Variants in TEX14 observed in about 807,000 individuals in gnomAD.
TEX14 encodes testis expressed 14, intercellular bridge forming factor, also known as inactive serine/threonine-protein kinase TEX14.
In TEX14, 168 loss-of-function variants were observed where a neutral mutation model predicts 178.6. The ratio of observed to expected loss-of-function variants is 0.94; its 90% CI spans 0.83 to 1.07. The LOEUF is 1.07. Ranked by LOEUF, TEX14 falls within the 50% of genes least tolerant of loss-of-function variation. The pLI is 0.00. For missense variants in TEX14, 1,730 were observed against 1,753.6 expected (o/e 0.99, Z 0.24); for synonymous variants, 626 against 634.1 (o/e 0.99, Z 0.19).
At chr17:58,615,441 C>T (rs1440032709) in intron 7 of TEX14, 96 bp from the exon 8 acceptor site, 9 of 781,164 alleles carry the variant, frequency 1.2e-5, no homozygotes, top group South Asian at 2.9e-5. Flanking sequence ...GAGAAATGGT[C>T]TCCACACAGA....
At chr17:58,587,843 A>ACCCCCCCCCCCC in intron 16 of TEX14, 53 bp downstream of exon 16, 1 of 1,118,838 alleles carries the variant, frequency 8.9e-7, no homozygotes, top group Non-Finnish European at 1.4e-6. Context: ...GGGTGCCAGA[A>ACCCCCCCCCCCC]CCCACCCCCA....
At chr17:58,592,243 T>C (rs1296866303) in intron 15 of TEX14, among the ~76,000 whole-genome samples, 2 of 151,902 alleles carry the variant, frequency 1.3e-5, no homozygotes, top group Non-Finnish European at 2.9e-5. Context: ...TTAATTTTTT[T>C]TTTTGAGTCA....
At chr17:58,673,170 C>T (rs1046203222) in intron 1 of TEX14, among the ~76,000 whole-genome samples, 1 of 151,864 alleles carries the variant, frequency 6.6e-6, no homozygotes, top group Non-Finnish European at 1.5e-5. Flanking sequence ...TCATGCCAAG[C>T]CTTTACATAT....
chr17:58,591,260 G>T (rs1004299903), intron 15 of TEX14, among the ~76,000 whole-genome samples: 1 of 152,188 alleles, frequency 6.6e-6, no homozygotes, highest in African/African-American at 2.4e-5. Flanking sequence ...GCTCACGCCT[G>T]TAATCCCAAC....
In TEX14 at chr17:58,616,258, C is replaced by T. The variant is rs369325974; in HGVS notation, c.684G>A (p.Pro228=). The change falls in exon 7 of 32, where the codon CCG becomes CCA. Residue 228 remains proline (P), a synonymous_variant. Coordinates refer to ENST00000349033, the MANE Select transcript of TEX14 (RefSeq NM_031272.5). Reference sequence around the variant, plus strand: ...GAATCACTTCCTTTTCTCCAATGACCGGAAGAGATCCTAGATAGGCCATCT... The same window carrying T: ...GAATCACTTCCTTTTCTCCAATGACTGGAAGAGATCCTAGATAGGCCATCT... The part of the protein sequence containing the change: ...ATQMAYLGSL[P]VIGEKEVIQA... The T allele has an allele frequency of 1.1e-4, 183 of 1,613,798 alleles. No individual in the cohort carries two copies. The highest frequency in any genetic ancestry group is 1.1e-3 in the South Asian group (102 of 91,040).
At chr17:58,590,852 GC>G (rs1335842385) in intron 15 of TEX14, among the ~76,000 whole-genome samples, 1 of 151,694 alleles carries the variant, frequency 6.6e-6, no homozygotes, top group Admixed American at 6.6e-5. Context: ...ACCTTGCCCA[GC>G]CCAACAATTT....
chr17:58,568,706 C>T (rs2044456401), intron 26 of TEX14, among the ~76,000 whole-genome samples: 3 of 152,126 alleles, frequency 2.0e-5, no homozygotes, highest in Non-Finnish European at 2.9e-5. Flanking sequence ...AAATTCTGGT[C>T]TCTGTAGGTT....
At chr17:58,631,720 CTATCCCACTCGTGAGAGAACACAAA>C (rs1301036064) in intron 2 of TEX14, 9 of 148,806 alleles carry the variant, frequency 6.0e-5, no homozygotes, top group South Asian at 4.3e-4. Context: ...CCAAACACTG[CTATCCCACTCGTGAGAGAACACAAA>C]TATCTCCCTC....
chr17:58,559,460 A>T lies in TEX14; in HGVS notation c.4260T>A (p.Ser1420=). ...ACATACATTAATTCATACCTTCTTC[A>T]GAAGTCCCTAGAACACCCTCTGATT... The part of the protein sequence containing the change: ...RRKSEGVLGT[S]EEDELKSCFW... The change falls in exon 30 of 32, where the codon TCT becomes TCA. Residue 1420 remains serine (S), a synonymous_variant. Coordinates refer to ENST00000349033, the MANE Select transcript of TEX14 (RefSeq NM_031272.5). The T allele has an allele frequency of 2.1e-6, 3 of 1,396,754 alleles. No individual in the cohort carries two copies. Among genetic ancestry groups the T allele is most frequent in the Non-Finnish European group, 3.0e-6 (3 of 986,548 alleles). The allele number at this position is 1,396,754 out of a possible 1,614,324, so 86.5% of individuals were successfully genotyped here. A position where few individuals can be genotyped will look rare whatever the true frequency, so the allele number is the denominator to read the frequency against.
intron 1 of TEX14, among the ~76,000 whole-genome samples, chr17:58,658,781 C>T (rs1567762896): frequency 6.6e-6 from 1 of 152,034 alleles, no homozygotes; most frequent in South Asian, 2.1e-4. Flanking sequence ...ACTTAACTTC[C>T]CACCTGAAGA....
At position 58,598,956 on chromosome 17, in the gene TEX14, G is replaced by A. The variant is rs1287207850; in HGVS notation, c.2389C>T (p.Pro797Ser). The A allele has an allele frequency of 1.7e-5, 28 of 1,614,162 alleles. No homozygotes were observed. Among genetic ancestry groups the A allele is most frequent in the Non-Finnish European group, 2.3e-5 (27 of 1,180,016 alleles). Residue 797 changes from proline to serine, a missense_variant, in exon 14 of 32, where the codon CCT (proline) becomes TCT (serine). Pro to Ser is a moderately conservative substitution (Grantham distance 74). Transcript: ENST00000349033. ...AVGPPSLNYIPPVLQLSGGQK... is the reference protein window; with the variant it reads ...AVGPPSLNYISPVLQLSGGQK... ...CCCCCTGAAAGCTGTAGGACAGGAG[G>A]AATATAGTTTAAAGATGGAGGGCCC...
At chr17:58,672,679 C>T (rs1394452671) in intron 1 of TEX14, among the ~76,000 whole-genome samples, 1 of 150,942 alleles carries the variant, frequency 6.6e-6, no homozygotes, top group African/African-American at 2.4e-5. Context: ...TCCTTGGCCA[C>T]CCAAAGTGCT....
intron 22 of TEX14, 55 bp from the exon 23 acceptor site, chr17:58,573,363 A>G: frequency 6.4e-7 from 1 of 1,563,454 alleles, no homozygotes; most frequent in Non-Finnish European, 8.8e-7. Flanking sequence ...AAAATCAAAC[A>G]ATATATTCCT....
rs781137428 is a variant in TEX14 at position 58,615,286 on chromosome 17, T to C, written c.827A>G (p.His276Arg). The C allele has an allele frequency of 1.9e-6, 3 of 1,613,696 alleles. No individual in the cohort carries two copies. Among genetic ancestry groups the C allele is most frequent in the Admixed American group, 1.7e-5 (1 of 59,978 alleles). ...GTCGGCCAGCCGCAGCCTGCTGCAG[T>C]GTGGGTGGGTGGGGAGATTCAGCTC... Reference protein sequence around the residue: ...VKELNLPTHPHCSRLRLADLL... With the variant: ...VKELNLPTHPRCSRLRLADLL... Residue 276 changes from histidine to arginine, a missense_variant, in exon 8 of 32, where the codon CAC (histidine) becomes CGC (arginine). His to Arg is a conservative substitution (Grantham distance 29). Transcript: ENST00000349033.
intron 1 of TEX14, among the ~76,000 whole-genome samples, chr17:58,662,450 C>G (rs201792761): frequency 1.3e-5 from 2 of 150,166 alleles, no homozygotes. Flanking sequence ...CACACACACA[C>G]ACAGAATCAA....
intron 3 of TEX14, among the ~76,000 whole-genome samples, chr17:58,625,994 C>T (rs1486923026): frequency 6.6e-6 from 1 of 151,952 alleles, no homozygotes; most frequent in African/African-American, 2.4e-5. Context: ...ATGATCCACC[C>T]ACCCTGGACT....
chr17:58,676,997 T>C (rs2047406222), intron 1 of TEX14, among the ~76,000 whole-genome samples: 1 of 150,672 alleles, frequency 6.6e-6, no homozygotes, highest in Non-Finnish European at 1.5e-5. Context: ...CGGGTGCCTG[T>C]AATCCCAGCT....
intron 1 of TEX14, among the ~76,000 whole-genome samples, chr17:58,670,964 T>C (rs1469598740): frequency 6.6e-6 from 1 of 152,030 alleles, no homozygotes; most frequent in South Asian, 2.1e-4. Context: ...ACAATAAATA[T>C]ATACAATTGG....
Position 58,621,783 on chromosome 17 carries a change from C to T in TEX14, c.421G>A (p.Val141Met). 1 of 1,612,846 alleles carries T rather than the reference C, an allele frequency of 6.2e-7. No homozygotes were observed. The highest frequency in any genetic ancestry group is 8.5e-7 in the Non-Finnish European group (1 of 1,179,292). ...GAGGCACAGCGCTGCATGAACTCCACTATCTGCAAAACATCGCAGAGATGC... is the reference window on the plus strand; with the variant it reads ...GAGGCACAGCGCTGCATGAACTCCATTATCTGCAAAACATCGCAGAGATGC... ...TAGKERSTQI[V>M]EFMQRCASHM... is the part of the protein sequence containing the mutation. The change falls in exon 5 of 32, where the codon GTG becomes ATG. Residue 141 changes from valine (V) to methionine (M), a missense_variant. Around this residue, in one of 2 missense-constraint regions of TEX14, gnomAD observed 789 missense variants for 681.2 expected, o/e 1.16. Transcript: ENST00000349033.
Sources: gnomAD v4.1 joint callset for allele counts (sites outside exome capture counted in the v4.1 genomes callset) on GRCh38, gnomAD v4.1.1 for gene constraint, gnomAD v4.1.1 regional missense constraint, MANE v1.5 for transcripts, NCBI Gene and HGNC (gene_info 2026-07-23, HGNC 2026-07-21) for gene names.